Variants in VPS4A observed in about 807,000 individuals in gnomAD.
VPS4A encodes vacuolar protein sorting-associated protein 4A.
A neutral mutation model predicts 52.3 loss-of-function variants in VPS4A; 20 were observed. That is an observed-to-expected ratio of 0.38 (90% confidence interval 0.27 to 0.56). The LOEUF is 0.56. Ranked by LOEUF, VPS4A falls within the 20% of genes least tolerant of loss-of-function variation. The pLI, the probability that VPS4A is intolerant of heterozygous loss-of-function variation, is 0.72. For synonymous variants in VPS4A, 293 were observed against 227.7 expected (o/e 1.29, Z -2.58); for missense variants, 419 against 575.9 (o/e 0.73, Z 2.79).
intron 5 of VPS4A, 58 bp downstream of exon 5, chr16:69,319,000 G>A: frequency 6.3e-7 from 1 of 1,583,654 alleles, no homozygotes; most frequent in Non-Finnish European, 8.6e-7. Flanking sequence ...CGCAGGGCTG[G>A]CACTCCGAGG....
At position 69,318,792 on chromosome 16, in the gene VPS4A, G is replaced by C. The variant is rs771656205; in HGVS notation, c.344-31G>C. The C allele has an allele frequency of 1.9e-6, 3 of 1,584,182 alleles. No individual in the cohort carries two copies. The African/African-American group carries it at 4.1e-5, about 21-fold the overall frequency. On this transcript the variant is annotated intron_variant, in intron 4 of 10. Coordinates refer to ENST00000254950, the MANE Select transcript of VPS4A (RefSeq NM_013245.3). ...GGGTTGGCTCATGCCCCTTGGCCGG[G>C]CCCGGGCCCGGGCCGGCCTCCCTCT...
Position 69,321,859 on chromosome 16 carries a change from C to A in VPS4A, c.1071+589C>A. 1 of 158,076 alleles carries A rather than the reference C, an allele frequency of 6.3e-6. No individual in the cohort carries two copies. The highest frequency in any genetic ancestry group is 1.4e-5 in the Non-Finnish European group (1 of 71,840). 9.8% of individuals were successfully genotyped at this position (158,076 alleles called of 1,614,324 possible). On this transcript the variant is annotated intron_variant, in intron 9 of 10. Transcript: ENST00000254950. The surrounding 1 kb of genome is among the most constrained non-coding windows in gnomAD (Gnocchi z 4.5). ...GATGGCACTGGGGTGATGCCTGAGA[C>A]AGGAGGTGAAGGTGTGAGGGAATGA...
Position 69,321,339 on chromosome 16 carries a change from C to T in VPS4A, c.1071+69C>T. The T allele has an allele frequency of 1.3e-6, 2 of 1,494,976 alleles. No individual in the cohort carries two copies. Among genetic ancestry groups the T allele is most frequent in the South Asian group, 2.4e-5 (2 of 81,830 alleles). The allele number at this position is 1,494,976 out of a possible 1,614,324, so 92.6% of individuals were successfully genotyped here. A position where few individuals can be genotyped will look rare whatever the true frequency, so the allele number is the denominator to read the frequency against. On this transcript the variant is annotated intron_variant, in intron 9 of 10. Coordinates refer to ENST00000254950, the MANE Select transcript of VPS4A (RefSeq NM_013245.3). The surrounding 1 kb of genome is among the most constrained non-coding windows in gnomAD (Gnocchi z 4.5). ...GCGGGATGTTCGGTTTTTTTTTTCC[C>T]AGCTCCTGGTCCTGCTCCCCGGCTG...
At chr16:69,324,146 T>A in intron 10 of VPS4A, 62 bp from the exon 11 acceptor site, 1 of 1,543,732 alleles carries the variant, frequency 6.5e-7, no homozygotes, top group Non-Finnish European at 8.9e-7. Context: ...TGTTGTGTGC[T>A]GAGGGGAGGT....
At chr16:69,322,495 C>G in intron 9 of VPS4A, 65 bp from the exon 10 acceptor site, 1 of 1,509,104 alleles carries the variant, frequency 6.6e-7, no homozygotes, top group Non-Finnish European at 8.9e-7. Context: ...TCCTTAGAGA[C>G]CGGAGGGGTC....
At chr16:69,318,523 G>T in intron 3 of VPS4A, 127 bp from the exon 4 acceptor site, 1 of 999,386 alleles carries the variant, frequency 1.0e-6, no homozygotes, top group Non-Finnish European at 1.5e-6. Context: ...TGAGTCACAC[G>T]GCACTGTTAA....
Position 69,322,649 on chromosome 16 carries a change from G to T in VPS4A, c.1161G>T (p.Met387Ile), listed in dbSNP as rs372824425. Reference protein sequence around the residue: ...CSPGDPGAMEMTWMDVPGDKL... With the variant: ...CSPGDPGAMEITWMDVPGDKL... ...CAGGGGACCCAGGAGCCATGGAGAT[G>T]ACTTGGATGGATGTCCCTGGGGACA... is the stretch of plus-strand genomic sequence containing the variant. Residue 387 changes from methionine (M) to isoleucine (I), a missense_variant, in exon 10 of 11, where the codon ATG becomes ATT. This residue lies in a region of VPS4A where 185 missense variants were observed against 200.2 expected (regional missense o/e 0.92). Coordinates refer to ENST00000254950, the MANE Select transcript of VPS4A (RefSeq NM_013245.3). 21 of 1,613,842 alleles carry T rather than the reference G, an allele frequency of 1.3e-5. No individual in the cohort carries two copies. The highest frequency in any genetic ancestry group is 9.9e-5 in the South Asian group (9 of 91,074).
chr16:69,324,092 G>A (rs1048967763), intron 10 of VPS4A, 116 bp from the exon 11 acceptor site: 1 of 966,012 alleles, frequency 1.0e-6, no homozygotes, highest in Non-Finnish European at 1.6e-6. Context: ...GCAGGCCTCT[G>A]GGGTGGCCTT....
At position 69,311,475 on chromosome 16, in the gene VPS4A, C is replaced by A. The variant is rs769078537; in HGVS notation, c.-37C>A. The A allele has an allele frequency of 8.2e-5, 107 of 1,300,854 alleles. No individual in the cohort carries two copies. The highest frequency in any genetic ancestry group is 9.9e-5 in the Admixed American group (3 of 30,266). 80.6% of individuals were successfully genotyped at this position (1,300,854 alleles called of 1,614,324 possible). The stretch of plus-strand genomic sequence containing the variant: ...CCCGGGGCCGGACCGAGGCCGCAAG[C>A]AGCGCCGCGGGGTGTGGGGCGGACC... On this transcript the variant is annotated 5_prime_UTR_variant, in exon 1 of 11. Transcript: ENST00000254950.
chr16:69,320,823 C>A lies in VPS4A; in HGVS notation c.851+54C>A. ...TGGAGGCTTCCTCCCACCATGGTCACGGTCCGCCTGCTGCTGGCAGCCCGG... is the reference window on the plus strand; with the variant it reads ...TGGAGGCTTCCTCCCACCATGGTCAAGGTCCGCCTGCTGCTGGCAGCCCGG... On this transcript the variant is annotated intron_variant, in intron 8 of 10. Coordinates refer to ENST00000254950, the MANE Select transcript of VPS4A (RefSeq NM_013245.3). This position sits in a 1 kb window ranked among gnomAD's most constrained non-coding sequence, Gnocchi z 4.2. The A allele has an allele frequency of 1.3e-6, 2 of 1,531,408 alleles. No individual in the cohort carries two copies. The highest frequency in any genetic ancestry group is 1.7e-4 in the Middle Eastern group (1 of 5,822). The allele number at this position is 1,531,408 out of a possible 1,614,324, so 94.9% of individuals were successfully genotyped here. A position where few individuals can be genotyped will look rare whatever the true frequency, so the allele number is the denominator to read the frequency against.
chr16:69,316,666 C>T (rs932112859), intron 3 of VPS4A, among the ~76,000 whole-genome samples: 4 of 152,238 alleles, frequency 2.6e-5, no homozygotes, highest in Non-Finnish European at 4.4e-5. Flanking sequence ...CCCCGTGTGC[C>T]TACCATCTCC....
intron 3 of VPS4A, among the ~76,000 whole-genome samples, chr16:69,317,666 A>G (rs1027223014): frequency 1.1e-4 from 17 of 152,010 alleles, no homozygotes; most frequent in African/African-American, 3.1e-4. Context: ...GGTGGCGGGC[A>G]CCTGTAGTCC....
rs1289607295 is a variant in VPS4A at position 69,325,383 on chromosome 16, AGTT to A, written c.*1076_*1078del. Reference sequence around the variant, plus strand: ...CTGCCGCTAACATTTAAAAGTCGAGAGTTGCTGGGCGCGGTGGCTCACGCCTGT... The same window carrying A: ...CTGCCGCTAACATTTAAAAGTCGAGAGCTGGGCGCGGTGGCTCACGCCTGT... On this transcript the variant is annotated 3_prime_UTR_variant, in exon 11 of 11. Coordinates refer to ENST00000254950, the MANE Select transcript of VPS4A (RefSeq NM_013245.3). 13 of 142,068 alleles carry A rather than the reference AGTT, an allele frequency of 9.2e-5. No individual in the cohort carries two copies. Among genetic ancestry groups the A allele is most frequent in the African/African-American group, 3.3e-4 (13 of 39,816 alleles). 8.8% of individuals were successfully genotyped at this position (142,068 alleles called of 1,614,324 possible).
Position 69,318,770 on chromosome 16 carries a change from T to C in VPS4A, c.344-53T>C. On this transcript the variant is annotated intron_variant, in intron 4 of 10. Transcript: ENST00000254950. ...GGATGAGAGTGGGTCCGCTGCTGGGTTGGCTCATGCCCCTTGGCCGGGCCC... is the reference window on the plus strand; with the variant it reads ...GGATGAGAGTGGGTCCGCTGCTGGGCTGGCTCATGCCCCTTGGCCGGGCCC... The C allele has an allele frequency of 1.9e-6, 3 of 1,612,934 alleles. No homozygotes were observed. The South Asian group carries it at 3.3e-5, about 18-fold the overall frequency.
In VPS4A at chr16:69,311,390, C is replaced by G. The variant is rs962369325; in HGVS notation, c.-122C>G. The G allele has an allele frequency of 9.0e-6, 10 of 1,112,438 alleles. No individual in the cohort carries two copies. The Admixed American group carries it at 1.3e-4, about 15-fold the overall frequency. The allele number at this position is 1,112,438 out of a possible 1,614,324, so 68.9% of individuals were successfully genotyped here. On this transcript the variant is annotated 5_prime_UTR_variant, in exon 1 of 11. Coordinates refer to ENST00000254950, the MANE Select transcript of VPS4A (RefSeq NM_013245.3). The stretch of plus-strand genomic sequence containing the variant: ...TCCCGCTGCGAGCGGCCGCCCTGCC[C>G]GCGCACCGCGCTCAGCGCCCACCGC...
chr16:69,318,572 C>A, intron 3 of VPS4A, 78 bp from the exon 4 acceptor site: 1 of 1,490,708 alleles, frequency 6.7e-7, no homozygotes, highest in Non-Finnish European at 9.2e-7. Context: ...GTGCAGGCAG[C>A]GGAGCCTGGA....
intron 10 of VPS4A, 54 bp from the exon 11 acceptor site, chr16:69,324,154 G>C: frequency 6.4e-7 from 1 of 1,571,602 alleles, no homozygotes; most frequent in Non-Finnish European, 8.7e-7. Flanking sequence ...GCTGAGGGGA[G>C]GTTGGGGACC....
At chr16:69,314,136 T>C (rs1444131869) in intron 1 of VPS4A, among the ~76,000 whole-genome samples, 2 of 151,906 alleles carry the variant, frequency 1.3e-5, no homozygotes, top group Non-Finnish European at 2.9e-5. Flanking sequence ...CGGCTAACTT[T>C]TTGTATTTTT....
Position 69,316,360 on chromosome 16 carries a change from G to C in VPS4A, c.269G>C (p.Ser90Thr). Residue 90 changes from serine to threonine, a missense_variant, in exon 3 of 11, where the codon AGT becomes ACT. This residue lies in a region of VPS4A where 131 missense variants were observed against 165.4 expected (regional missense o/e 0.79). Coordinates refer to ENST00000254950, the MANE Select transcript of VPS4A (RefSeq NM_013245.3). ...AAGAAGCCAGTCAAAGAGAACCAGA[G>C]TGAGGGCAAGGGGTGAGTGTCTGCA... is the stretch of plus-strand genomic sequence containing the variant. ...HGKKPVKENQ[S>T]EGKGSDSDSE... 2.5e-6 allele frequency: 4 copies of C among 1,613,816 alleles called. No homozygotes were observed. The highest frequency in any genetic ancestry group is 1.7e-4 in the Middle Eastern group (1 of 6,058).
Sources: allele counts gnomAD v4.1 joint callset (sites outside exome capture counted in the v4.1 genomes callset), GRCh38; gene constraint gnomAD v4.1.1; regional missense constraint gnomAD v4.1.1; non-coding constraint Gnocchi (gnomAD v3.1); transcripts MANE v1.5; gene names NCBI Gene and HGNC (gene_info 2026-07-23, HGNC 2026-07-21).